The following MSH6 variants were observed in gnomAD, a reference collection of about 807,000 sequenced individuals.
MSH6 encodes mutS homolog 6, also known as DNA mismatch repair protein Msh6.
A neutral mutation model predicts 119.1 loss-of-function variants in MSH6; 85 were observed. That is an observed-to-expected ratio of 0.71 (90% confidence interval 0.60 to 0.85). The LOEUF (loss-of-function observed/expected upper bound fraction) is 0.85. Ranked by LOEUF, MSH6 falls within the 40% of genes least tolerant of loss-of-function variation. The probability of loss-of-function intolerance (pLI) is 0.00; values close to 1 mark genes in which losing one functional copy is unlikely to be tolerated. For synonymous variants in MSH6, 830 were observed against 586.9 expected, an observed-to-expected ratio of 1.41 and a Z score of -5.99; for missense variants, 2,163 against 1,655.3, an observed-to-expected ratio of 1.31 and a Z score of -5.32.
chr2:47,799,557 G>A lies in MSH6; in HGVS notation c.1574G>A (p.Ser525Asn), dbSNP rs765387680. The A allele has an allele frequency of 1.9e-6, 3 of 1,614,210 alleles. No homozygotes were observed. The highest frequency in any genetic ancestry group is 1.7e-5 in the Admixed American group (1 of 60,024). Residue 525 changes from serine (S) to asparagine (N), a missense_variant, in exon 4 of 10, where the codon AGT (serine) becomes AAT (asparagine). Ser to Asn is a conservative substitution (Grantham distance 46, BLOSUM62 1). Coordinates refer to ENST00000234420, the MANE Select transcript of MSH6 (RefSeq NM_000179.3). Reference protein sequence around the residue: ...RIITKGTQTYSVLEGDPSENY... With the variant: ...RIITKGTQTYNVLEGDPSENY... ...ATTACCAAGGGTACACAGACTTACA[G>A]TGTGCTGGAAGGTGATCCCTCTGAG...
At chr2:47,787,059 C>T (rs575189592) in intron 1 of MSH6, among the ~76,000 whole-genome samples, 51 of 152,324 alleles carry the variant, frequency 3.3e-4, no homozygotes, top group Non-Finnish European at 6.9e-4. Context: ...GGTGCAGTGG[C>T]TCATGCCTGT....
intron 9 of MSH6, 28 bp from the exon 10 acceptor site, chr2:47,806,751 C>CTTTTTT (rs59056100): frequency 1.1e-5 from 16 of 1,444,634 alleles, no homozygotes; most frequent in South Asian, 2.5e-5. Context: ...AACAAAAAAA[C>CTTTTTT]TTTTTTTTTT....
chr2:47,805,691 G>C lies in MSH6; in HGVS notation c.3630G>C (p.Val1210=), dbSNP rs1572742065. The change falls in exon 7 of 10, where the codon GTG becomes GTC. Residue 1210 remains valine (V), a synonymous_variant. Transcript: ENST00000234420. ...ILMHATAHSL[V]LVDELGRGTA... is the part of the protein sequence containing the mutation. ...TGCATGCAACAGCACATTCTCTGGT[G>C]CTTGTGGATGAATTAGGTAAGACAT... 6.2e-7 allele frequency: 1 copy of C among 1,611,430 alleles called. No homozygotes were observed. Among genetic ancestry groups the C allele is most frequent in the Non-Finnish European group, 8.5e-7 (1 of 1,177,918 alleles).
In MSH6 at chr2:47,806,814, A is replaced by C. The variant is rs1456961917; in HGVS notation, c.4037A>C (p.Asp1346Ala). 6.2e-7 allele frequency: 1 copy of C among 1,609,944 alleles called. No homozygotes were observed. The highest frequency in any genetic ancestry group is 8.5e-7 in the Non-Finnish European group (1 of 1,178,518). ...CTGGCTAGTGAAAGGTCAACTGTAG[A>C]TGCTGAAGCTGTCCATAAATTGCTG... ...VCLASERSTVDAEAVHKLLTL... is the reference protein window; with the variant it reads ...VCLASERSTVAAEAVHKLLTL... Residue 1346 changes from aspartate (D) to alanine (A), a missense_variant, in exon 10 of 10, where the codon GAT (aspartate) becomes GCT (alanine). Coordinates refer to ENST00000234420, the MANE Select transcript of MSH6 (RefSeq NM_000179.3).
At chr2:47,784,233 C>A in intron 1 of MSH6, 4 of 1,001,592 alleles carry the variant, frequency 4.0e-6, no homozygotes, top group Non-Finnish European at 4.8e-6. Context: ...CCGGCTGGGT[C>A]CTTCGGTAGG....
In MSH6 at chr2:47,803,372, T is replaced by TA. The variant is rs757801692; in HGVS notation, c.3173-44dup. Reference sequence around the variant, plus strand: ...AAGACCTATAAAACACTTAGGCTGATAAAACCCCCAAACGATGAAGCCTCA... The same window carrying TA: ...AAGACCTATAAAACACTTAGGCTGATAAAAACCCCCAAACGATGAAGCCTCA... On this transcript the variant is annotated intron_variant, in intron 4 of 9. Transcript: ENST00000234420. 11 of 1,613,884 alleles carry TA rather than the reference T, an allele frequency of 6.8e-6. No homozygotes were observed. The highest frequency in any genetic ancestry group is 3.3e-5 in the Admixed American group (2 of 59,998).
In MSH6 at chr2:47,805,725, T is replaced by G. The variant is rs777813805; in HGVS notation, c.3646+18T>G. On this transcript the variant is annotated intron_variant, in intron 7 of 9. Transcript: ENST00000234420. ...TGAATTAGGTAAGACATTAAACTTC[T>G]CATTTGAAGACTATCTATCTTAAAA... The G allele has an allele frequency of 6.8e-6, 10 of 1,466,260 alleles. No homozygotes were observed. Among genetic ancestry groups the G allele is most frequent in the Non-Finnish European group, 8.3e-6 (9 of 1,078,634 alleles). The allele number at this position is 1,466,260 out of a possible 1,614,324, so 90.8% of individuals were successfully genotyped here.
At chr2:47,791,468 T>C (rs1209126822) in intron 2 of MSH6, among the ~76,000 whole-genome samples, 2 of 152,100 alleles carry the variant, frequency 1.3e-5, no homozygotes, top group South Asian at 2.1e-4. Flanking sequence ...CGACATTCTC[T>C]AGGGAAAGAT....
In MSH6 at chr2:47,806,189, A is replaced by G. The variant is rs371171254; in HGVS notation, c.3647-15A>G. On this transcript the variant is annotated splice_polypyrimidine_tract_variant and intron_variant, in intron 7 of 9. Coordinates refer to ENST00000234420, the MANE Select transcript of MSH6 (RefSeq NM_000179.3). Reference sequence around the variant, plus strand: ...TCCTTTGAGTTACTTCCTTATGCATATTTTACTTTAACAGGAAGAGGTACT... The same window carrying G: ...TCCTTTGAGTTACTTCCTTATGCATGTTTTACTTTAACAGGAAGAGGTACT... 1.2e-6 allele frequency: 2 copies of G among 1,612,972 alleles called. No homozygotes were observed. Among genetic ancestry groups the G allele is most frequent in the Admixed American group, 1.7e-5 (1 of 59,948 alleles).
At chr2:47,791,235 C>T in intron 2 of MSH6, 112 bp downstream of exon 2, 2 of 1,041,936 alleles carry the variant, frequency 1.9e-6, no homozygotes, top group Non-Finnish European at 2.9e-6. Context: ...TGTATTTTAC[C>T]CCAGTAAATT....
At chr2:47,791,376 A>T (rs962289565) in intron 2 of MSH6, among the ~76,000 whole-genome samples, 4 of 152,174 alleles carry the variant, frequency 2.6e-5, no homozygotes, top group Non-Finnish European at 5.9e-5. Context: ...TATACCCTTA[A>T]TAAGGGTAAA....
intron 1 of MSH6, chr2:47,784,403 G>C: frequency 4.9e-6 from 1 of 205,944 alleles, no homozygotes; most frequent in Non-Finnish European, 7.9e-6. Flanking sequence ...ATGTGTGGAC[G>C]TGAGTGACTC....
chr2:47,801,361 G>GTTTTTGTTTTTTTTTT (rs1669577029), intron 4 of MSH6: 1 of 84,402 alleles, frequency 1.2e-5, no homozygotes, highest in Admixed American at 2.5e-4. Context: ...CCTTTCTTCA[G>GTTTTTGTTTTTTTTTT]TTTTTTTTTT....
rs770323844 is a variant in MSH6 at position 47,800,026 on chromosome 2, C to T, written c.2043C>T (p.Leu681=). ...LTPGEKSELA[L]SALGGCVFYL... The stretch of plus-strand genomic sequence containing the variant: ...CAGGAGAGAAAAGTGAATTGGCCCT[C>T]TCTGCTCTAGGTGGTTGTGTCTTCT... Residue 681 remains leucine (L), a synonymous_variant, in exon 4 of 10, where the codon CTC becomes CTT. Transcript: ENST00000234420. The T allele has an allele frequency of 6.2e-7, 1 of 1,614,080 alleles. No individual in the cohort carries two copies. Among genetic ancestry groups the T allele is most frequent in the Non-Finnish European group, 8.5e-7 (1 of 1,180,016 alleles).
At chr2:47,791,152 GTT>G (rs1491535187) in intron 2 of MSH6, 29 bp downstream of exon 2, 7 of 1,569,482 alleles carry the variant, frequency 4.5e-6, no homozygotes, top group South Asian at 2.2e-5. Flanking sequence ...ATGTGTGTGT[GTT>G]TGTGTGTGTG....
chr2:47,784,120 A>T, intron 1 of MSH6: 3 of 971,752 alleles, frequency 3.1e-6, no homozygotes, highest in Non-Finnish European at 1.2e-6. Context: ...GGGGCCGCCG[A>T]GGGGGTGGGC....
At chr2:47,803,103 A>G (rs558239947) in intron 4 of MSH6, among the ~76,000 whole-genome samples, 42 of 152,208 alleles carry the variant, frequency 2.8e-4, no homozygotes, top group African/African-American at 9.9e-4. Context: ...TTTTTAGTAG[A>G]GACGAGGTTT....
At chr2:47,793,561 C>A (rs543869310) in intron 2 of MSH6, among the ~76,000 whole-genome samples, 1 of 150,404 alleles carries the variant, frequency 6.6e-6, no homozygotes, top group African/African-American at 2.4e-5. Flanking sequence ...GAGCCGAGAT[C>A]GCGCCACTGC....
At position 47,799,287 on chromosome 2, in the gene MSH6, T is replaced by A. The variant is rs63751405; in HGVS notation, c.1304T>A (p.Leu435Gln). Residue 435 changes from leucine (L) to glutamine (Q), a missense_variant, in exon 4 of 10, where the codon CTG (leucine) becomes CAG (glutamine). Coordinates refer to ENST00000234420, the MANE Select transcript of MSH6 (RefSeq NM_000179.3). The stretch of plus-strand genomic sequence containing the variant: ...TACAAGGTGGGGAAATTTTATGAGC[T>A]GTACCACATGGATGCTCTTATTGGA... Reference protein sequence around the residue: ...ICYKVGKFYELYHMDALIGVS... With the variant: ...ICYKVGKFYEQYHMDALIGVS... 6.2e-7 allele frequency: 1 copy of A among 1,614,038 alleles called. No homozygotes were observed. Among genetic ancestry groups the A allele is most frequent in the Non-Finnish European group, 8.5e-7 (1 of 1,180,020 alleles).
Sources: allele counts gnomAD v4.1 joint callset (sites outside exome capture counted in the v4.1 genomes callset), GRCh38; gene constraint gnomAD v4.1.1; transcripts MANE v1.5; gene names NCBI Gene and HGNC (gene_info 2026-07-23, HGNC 2026-07-21).